Variants in RTEL1 observed in about 807,000 individuals in gnomAD.
The protein encoded by RTEL1 is regulator of telomere length.
RTEL1 carries 86 observed loss-of-function variants against 162.2 expected under a neutral mutation model. The observed-to-expected ratio is 0.53, with a 90% confidence interval of 0.45 to 0.63. The LOEUF (loss-of-function observed/expected upper bound fraction) is 0.63, where lower values mean the gene tolerates loss of function less well. Ranked by LOEUF, RTEL1 falls within the 30% of genes least tolerant of loss-of-function variation. The pLI, the probability that RTEL1 is intolerant of heterozygous loss-of-function variation, is 0.00. For synonymous variants in RTEL1, 958 were observed against 717.9 expected, an observed-to-expected ratio of 1.33 and a Z score of -5.35; for missense variants, 1,941 against 1,750.2, an observed-to-expected ratio of 1.11 and a Z score of -1.95.
At position 63,696,219 on chromosome 20, in the gene RTEL1, C is replaced by G. The variant is rs1477625178; in HGVS notation, c.*361C>G. On this transcript the variant is annotated 3_prime_UTR_variant, in exon 35 of 35. Transcript: ENST00000360203. ...CCACTTTTAATCAGGGGACAGGGCT[C>G]TCTAATAAAGCTGCTGGCAGTGCCC... 1.1e-5 allele frequency: 4 copies of G among 370,654 alleles called. No individual in the cohort carries two copies. The South Asian group carries it at 1.9e-4, about 17-fold the overall frequency. The allele number at this position is 370,654 out of a possible 1,614,324, so 23.0% of individuals were successfully genotyped here.
chr20:63,663,217 C>T (rs935925978), intron 6 of RTEL1, among the ~76,000 whole-genome samples: 3 of 152,252 alleles, frequency 2.0e-5, no homozygotes, highest in African/African-American at 7.2e-5. Context: ...TTGCTGAACA[C>T]CGGCTTTCTC....
intron 14 of RTEL1, chr20:63,680,979 G>A: frequency 1.0e-6 from 1 of 985,368 alleles, no homozygotes; most frequent in Non-Finnish European, 1.2e-6. Context: ...GACAGTGGGG[G>A]CCGGGGAGCC....
rs144816604 is a variant in RTEL1, at chr20:63,688,230, G to A, written c.1636+51G>A. 101 of 1,609,696 alleles carry A rather than the reference G, an allele frequency of 6.3e-5. No individual in the cohort carries two copies. In the African/African-American group the frequency reaches 1.3e-3, roughly 20 times the overall value. ...TGCCCATCCTGGATCCTGGACCCCT[G>A]CTCCCAAGAGCTGGTAGGGAACCCT... On this transcript the variant is annotated intron_variant, in intron 19 of 34. Transcript: ENST00000360203.
chr20:63,691,005 A>G, intron 27 of RTEL1, 58 bp downstream of exon 27: 2 of 1,476,898 alleles, frequency 1.4e-6, no homozygotes, highest in Non-Finnish European at 1.8e-6. Flanking sequence ...GGCCAACCCG[A>G]CCCCGCCCAT....
chr20:63,674,897 C>G (rs924289600), intron 10 of RTEL1, among the ~76,000 whole-genome samples: 2 of 151,238 alleles, frequency 1.3e-5, no homozygotes, highest in East Asian at 1.9e-4. Context: ...GTCAGTTGGT[C>G]TATATTTTCT....
At chr20:63,689,702 G>A (rs368392716) in intron 23 of RTEL1, 48 bp from the exon 24 acceptor site, 10 of 1,603,854 alleles carry the variant, frequency 6.2e-6, no homozygotes, top group East Asian at 2.2e-5. Flanking sequence ...CTGAGCCCCC[G>A]CCCCGTGGCC....
At chr20:63,672,662 T>C (rs1419490739) in intron 9 of RTEL1, 41 bp downstream of exon 9, 4 of 1,508,544 alleles carry the variant, frequency 2.7e-6, no homozygotes, top group Non-Finnish European at 3.6e-6. Flanking sequence ...CTATTGCTTC[T>C]GGCCTTTTTG....
At chr20:63,685,995 C>T in intron 16 of RTEL1, 123 bp downstream of exon 16, 1 of 839,680 alleles carries the variant, frequency 1.2e-6, no homozygotes, top group South Asian at 1.5e-5. Flanking sequence ...CCACCTTCTC[C>T]ATATCCAGGC....
At chr20:63,688,792 G>T in intron 21 of RTEL1, 187 bp downstream of exon 21, 1 of 642,264 alleles carries the variant, frequency 1.6e-6, no homozygotes, top group Non-Finnish European at 2.7e-6. Flanking sequence ...CCCAGCACCG[G>T]GTGGGTGTGG....
chr20:63,670,421 G>A (rs1601109254), intron 8 of RTEL1, among the ~76,000 whole-genome samples: 1 of 149,954 alleles, frequency 6.7e-6, no homozygotes, highest in African/African-American at 2.5e-5. Flanking sequence ...ACCACTGGGA[G>A]AGCATCCGGA....
intron 14 of RTEL1, among the ~76,000 whole-genome samples, chr20:63,682,933 G>C (rs963918194): frequency 6.6e-6 from 1 of 152,200 alleles, no homozygotes; most frequent in Non-Finnish European, 1.5e-5. Flanking sequence ...GCCTGAGGCC[G>C]GAGCTGCCCT....
In RTEL1 at chr20:63,688,015, C is replaced by T. The variant is rs766940725; in HGVS notation, c.1560C>T (p.Pro520=). 8 of 1,612,790 alleles carry T rather than the reference C, an allele frequency of 5.0e-6. No individual in the cohort carries two copies. The highest frequency in any genetic ancestry group is 2.2e-5 in the South Asian group (2 of 91,086). ...QIWVGVVPRG[P]DGAQLSSAFD... ...GGGTGGGGGTCGTCCCCAGAGGCCCCGATGGAGCCCAGTTGAGCTCCGCGT... is the reference window on the plus strand; with the variant it reads ...GGGTGGGGGTCGTCCCCAGAGGCCCTGATGGAGCCCAGTTGAGCTCCGCGT... Residue 520 remains proline, a synonymous_variant, in exon 18 of 35, where the codon CCC becomes CCT. Coordinates refer to ENST00000360203, the MANE Select transcript of RTEL1 (RefSeq NM_001283009.2).
chr20:63,678,355 C>G lies in RTEL1; in HGVS notation c.1037+9C>G. The stretch of plus-strand genomic sequence containing the variant: ...GTCACCAAGCCAGGGAGGTGAGAGG[C>G]GGGGAGCCAGCCCCTTCACTGCAGG... On this transcript the variant is annotated intron_variant, in intron 12 of 34. Transcript: ENST00000360203. 1.2e-6 allele frequency: 2 copies of G among 1,604,392 alleles called. No individual in the cohort carries two copies. Among genetic ancestry groups the G allele is most frequent in the South Asian group, 1.1e-5 (1 of 90,258 alleles).
intron 14 of RTEL1, among the ~76,000 whole-genome samples, chr20:63,683,433 GGGAA>G (rs1235970489): frequency 3.3e-5 from 5 of 152,202 alleles, no homozygotes; most frequent in African/African-American, 7.2e-5. Context: ...GAAAATGGCT[GGGAA>G]GGAAGGAAGG....
chr20:63,687,389 C>T (rs2090620220), intron 16 of RTEL1: 1 of 514,482 alleles, frequency 1.9e-6, no homozygotes, highest in South Asian at 2.9e-5. Context: ...TGCAGGTGTC[C>T]CCAGCCTCTG....
chr20:63,673,936 C>T lies in RTEL1; in HGVS notation c.766-4C>T, dbSNP rs778247916. 6.8e-6 allele frequency: 11 copies of T among 1,608,428 alleles called. No homozygotes were observed. Among genetic ancestry groups the T allele is most frequent in the Non-Finnish European group, 9.4e-6 (11 of 1,176,322 alleles). On this transcript the variant is annotated splice_region_variant and splice_polypyrimidine_tract_variant and intron_variant, in intron 9 of 34. Coordinates refer to ENST00000360203, the MANE Select transcript of RTEL1 (RefSeq NM_001283009.2). ...GTGGTGATTCGGGTGTGCTTGGGCT[C>T]TAGGAGAAGATGTGTGAAGAATCGG...
intron 30 of RTEL1, 73 bp from the exon 31 acceptor site, chr20:63,694,299 G>C (rs1313721848): frequency 1.2e-6 from 1 of 841,394 alleles, no homozygotes; most frequent in Non-Finnish European, 2.0e-6. Flanking sequence ...TCCCTAGCCA[G>C]CCCTGCCCCC....
chr20:63,695,863 C>T lies in RTEL1; in HGVS notation c.*5C>T, dbSNP rs1601201929. The T allele has an allele frequency of 1.3e-6, 2 of 1,578,066 alleles. No homozygotes were observed. The highest frequency in any genetic ancestry group is 2.3e-5 in the East Asian group (1 of 43,586). ...TTCTGGCCAGAGCCCCAGTGAGTGCCCACGGAGGCCCCCAGCACACCCAAC... is the reference window on the plus strand; with the variant it reads ...TTCTGGCCAGAGCCCCAGTGAGTGCTCACGGAGGCCCCCAGCACACCCAAC... On this transcript the variant is annotated 3_prime_UTR_variant, in exon 35 of 35. Transcript: ENST00000360203.
At chr20:63,662,030 G>A in intron 4 of RTEL1, 87 bp downstream of exon 4, 1 of 991,148 alleles carries the variant, frequency 1.0e-6, no homozygotes, top group Non-Finnish European at 1.6e-6. Flanking sequence ...ATGCTGTGCT[G>A]TGGTGGAGGG....
Sources: allele counts gnomAD v4.1 joint callset (sites outside exome capture counted in the v4.1 genomes callset), GRCh38; gene constraint gnomAD v4.1.1; transcripts MANE v1.5; gene names NCBI Gene and HGNC (gene_info 2026-07-23, HGNC 2026-07-21).